Variants in GHR observed in about 807,000 individuals in gnomAD.
GHR encodes the protein GH receptor.
A neutral mutation model predicts 67.1 loss-of-function variants in GHR; 35 were observed. The ratio of observed to expected loss-of-function variants is 0.52; its 90% CI spans 0.40 to 0.69. The LOEUF is 0.69. Among genes scored for constraint, GHR ranks in the 30% least tolerant of loss-of-function variants. The pLI is 0.00. For missense variants in GHR, 792 were observed against 764.6 expected (o/e 1.04, Z -0.42); for synonymous variants, 272 against 269.1 (o/e 1.01, Z -0.10).
intron 2 of GHR, among the ~76,000 whole-genome samples, chr5:42,579,092 TAGATA>T (rs1750941363): frequency 1.0e-5 from 1 of 98,790 alleles, no homozygotes; most frequent in Non-Finnish European, 2.2e-5. Flanking sequence ...GATAGATAGA[TAGATA>T]GATAGATAGA....
intron 3 of GHR, among the ~76,000 whole-genome samples, chr5:42,666,564 A>G (rs1022016318): frequency 2.0e-5 from 3 of 152,192 alleles, no homozygotes; most frequent in African/African-American, 4.8e-5. Flanking sequence ...GTTTAAATTA[A>G]TTAAAATGGA....
intron 5 of GHR, among the ~76,000 whole-genome samples, chr5:42,696,637 C>T (rs1034934291): frequency 6.6e-6 from 1 of 152,106 alleles, no homozygotes; most frequent in Non-Finnish European, 1.5e-5. Context: ...GGAAGCCCTC[C>T]TAGTCAGCTG....
rs540531795 is a variant in GHR, at chr5:42,720,337, C to G, written c.*913C>G. On this transcript the variant is annotated 3_prime_UTR_variant, in exon 10 of 10. Transcript: ENST00000230882. ...TTTCTTCACCAAATCTTGGTTGATG[C>G]CAAAAAAAAATACATGCTAAGAGAA... 2.8e-4 allele frequency: 43 copies of G among 151,928 alleles called. No individual in the cohort carries two copies. Among genetic ancestry groups the G allele is most frequent in the Non-Finnish European group, 5.3e-4 (36 of 67,970 alleles). The allele number at this position is 151,928 out of a possible 1,614,324, so 9.4% of individuals were successfully genotyped here.
chr5:42,579,140 TGATAG>T (rs1750988550), intron 2 of GHR, among the ~76,000 whole-genome samples: 10 of 59,884 alleles, frequency 1.7e-4, no homozygotes, highest in Non-Finnish European at 1.7e-4. Context: ...GATAGATAGA[TGATAG>T]ATAGATATAG....
chr5:42,595,111 T>G (rs1200412556), intron 2 of GHR, among the ~76,000 whole-genome samples: 1 of 152,176 alleles, frequency 6.6e-6, no homozygotes, highest in African/African-American at 2.4e-5. Flanking sequence ...TAAAAATATA[T>G]GAATTTAGAC....
intron 1 of GHR, among the ~76,000 whole-genome samples, chr5:42,431,815 A>G (rs1379560264): frequency 1.3e-5 from 2 of 152,238 alleles, no homozygotes; most frequent in African/African-American, 2.4e-5. Context: ...ACAGGGATTC[A>G]GTACAGGTGT....
At chr5:42,442,761 A>C (rs1041708306) in intron 1 of GHR, among the ~76,000 whole-genome samples, 3 of 152,214 alleles carry the variant, frequency 2.0e-5, no homozygotes, top group Non-Finnish European at 4.4e-5. Flanking sequence ...TTGTGAAAAA[A>C]CATATTAGCA....
chr5:42,496,567 G>T (rs986858768), intron 1 of GHR, among the ~76,000 whole-genome samples: 2 of 152,020 alleles, frequency 1.3e-5, no homozygotes, highest in Non-Finnish European at 2.9e-5. Flanking sequence ...TCATTGTTTG[G>T]CTTATGACGT....
At chr5:42,564,343 A>T (rs1325435534) in intron 1 of GHR, among the ~76,000 whole-genome samples, 1 of 149,724 alleles carries the variant, frequency 6.7e-6, no homozygotes, top group African/African-American at 2.5e-5. Context: ...ATTTATTTGA[A>T]ATCTCACAAT....
At chr5:42,675,152 C>T (rs1756509566) in intron 3 of GHR, among the ~76,000 whole-genome samples, 1 of 152,174 alleles carries the variant, frequency 6.6e-6, no homozygotes, top group African/African-American at 2.4e-5. Flanking sequence ...CAAAACACTG[C>T]TTATGCAGAA....
At chr5:42,715,234 G>C (rs1228646391) in intron 8 of GHR, 2 of 256,520 alleles carry the variant, frequency 7.8e-6, no homozygotes, top group Non-Finnish European at 1.6e-5. Flanking sequence ...CATTAAAAAC[G>C]CTTATCATTG....
intron 3 of GHR, among the ~76,000 whole-genome samples, chr5:42,676,489 T>C (rs1415993378): frequency 6.6e-6 from 1 of 152,200 alleles, no homozygotes; most frequent in Non-Finnish European, 1.5e-5. Context: ...AAATTTTTTG[T>C]CAGTTGCCAT....
At chr5:42,475,851 T>C (rs1745282342) in intron 1 of GHR, among the ~76,000 whole-genome samples, 1 of 152,192 alleles carries the variant, frequency 6.6e-6, no homozygotes, top group Admixed American at 6.5e-5. Context: ...TTTAAAGAAT[T>C]CCATGCAAAG....
chr5:42,463,784 G>A (rs1744591453), intron 1 of GHR, among the ~76,000 whole-genome samples: 1 of 151,600 alleles, frequency 6.6e-6, no homozygotes, highest in African/African-American at 2.4e-5. Context: ...ACGAGGTCAG[G>A]AGATCGAGAC....
At chr5:42,493,260 G>C (rs574352350) in intron 1 of GHR, among the ~76,000 whole-genome samples, 1 of 152,180 alleles carries the variant, frequency 6.6e-6, no homozygotes, top group East Asian at 1.9e-4. Context: ...AATAAAGCTG[G>C]GATTTCTGTA....
chr5:42,621,036 T>C (rs938794794), intron 2 of GHR, among the ~76,000 whole-genome samples: 3 of 152,160 alleles, frequency 2.0e-5, no homozygotes, highest in African/African-American at 7.2e-5. Flanking sequence ...CCTTTTAGCA[T>C]TGCTGTGATT....
At chr5:42,545,301 T>C (rs1748688648) in intron 1 of GHR, among the ~76,000 whole-genome samples, 1 of 152,188 alleles carries the variant, frequency 6.6e-6, no homozygotes, top group Non-Finnish European at 1.5e-5. Context: ...AAAAGCTGCA[T>C]TTCCTAGAAA....
At chr5:42,663,781 A>G (rs1375916265) in intron 3 of GHR, among the ~76,000 whole-genome samples, 1 of 152,206 alleles carries the variant, frequency 6.6e-6, no homozygotes, top group Non-Finnish European at 1.5e-5. Context: ...AGAGTATTCA[A>G]TTAGGAAAAG....
At chr5:42,716,543 CAT>C (rs1250752569) in intron 8 of GHR, among the ~76,000 whole-genome samples, 2 of 152,178 alleles carry the variant, frequency 1.3e-5, no homozygotes, top group Admixed American at 6.5e-5. Flanking sequence ...TCTACACAAA[CAT>C]GTGACAGGCC....
Sources: allele counts gnomAD v4.1 joint callset (sites outside exome capture counted in the v4.1 genomes callset), GRCh38; gene constraint gnomAD v4.1.1; transcripts MANE v1.5; gene names NCBI Gene and HGNC (gene_info 2026-07-23, HGNC 2026-07-21).